ZDHHC21: variants seen among roughly 807,000 people sequenced by gnomAD.
The protein encoded by ZDHHC21 is zDHHC palmitoyltransferase 21.
Under a neutral mutation model 34.6 loss-of-function variants are expected in ZDHHC21, and 15 were observed. That is an observed-to-expected ratio of 0.43 (90% confidence interval 0.29 to 0.67). The LOEUF is 0.67. ZDHHC21 is among the 30% of genes least tolerant of loss of function. The pLI is 0.14. For synonymous variants in ZDHHC21, 142 were observed against 101.8 expected, an observed-to-expected ratio of 1.40 and a Z score of -2.38; for missense variants, 344 against 327.7, an observed-to-expected ratio of 1.05 and a Z score of -0.38.
chr9:14,652,621 G>T (rs920489220), intron 7 of ZDHHC21, among the ~76,000 whole-genome samples: 3 of 151,818 alleles, frequency 2.0e-5, no homozygotes, highest in Admixed American at 6.6e-5. Context: ...AAAACAGAAG[G>T]CGAGGAGAAG....
intron 8 of ZDHHC21, among the ~76,000 whole-genome samples, chr9:14,633,407 C>T (rs1223599702): frequency 6.6e-6 from 1 of 152,134 alleles, no homozygotes; most frequent in Non-Finnish European, 1.5e-5. Context: ...TAGAGGAAAG[C>T]CCCTAAACCC....
chr9:14,643,042 T>C (rs1035650549), intron 7 of ZDHHC21, among the ~76,000 whole-genome samples: 2 of 151,870 alleles, frequency 1.3e-5, no homozygotes, highest in Non-Finnish European at 2.9e-5. Flanking sequence ...AGTTCGAGAC[T>C]AGCCTGGCCA....
chr9:14,677,297 C>A (rs1836594057), intron 3 of ZDHHC21: 1 of 151,622 alleles, frequency 6.6e-6, no homozygotes, highest in Admixed American at 6.6e-5. Flanking sequence ...TTTTTTAATA[C>A]CTGATTGGTA....
At chr9:14,625,136 C>G (rs1370184565) in intron 8 of ZDHHC21, among the ~76,000 whole-genome samples, 2 of 151,980 alleles carry the variant, frequency 1.3e-5, no homozygotes, top group African/African-American at 4.8e-5. Context: ...ACATACTGTA[C>G]AAAATGGTCA....
At chr9:14,653,210 TAATC>T (rs1831574972) in intron 7 of ZDHHC21, among the ~76,000 whole-genome samples, 1 of 151,954 alleles carries the variant, frequency 6.6e-6, no homozygotes, top group South Asian at 2.1e-4. Flanking sequence ...TTTATACACA[TAATC>T]AACAGCTGGA....
rs1823621566 is a variant in ZDHHC21, at chr9:14,613,259, C to T, written c.*5707G>A. On this transcript the variant is annotated 3_prime_UTR_variant, in exon 10 of 10. Transcript: ENST00000380916. ...CATTAAATTCTACTTTATAAATACA[C>T]AACGATGTGAGAAGAAAACTCAGTC... The T allele has an allele frequency of 6.6e-6, 1 of 151,760 alleles. No homozygotes were observed. Among genetic ancestry groups the T allele is most frequent in the Non-Finnish European group, 1.5e-5 (1 of 67,820 alleles). The allele number at this position is 151,760 out of a possible 1,614,324, so 9.4% of individuals were successfully genotyped here.
chr9:14,684,019 T>A (rs1300884988), intron 2 of ZDHHC21, among the ~76,000 whole-genome samples: 1 of 152,180 alleles, frequency 6.6e-6, no homozygotes, highest in Admixed American at 6.5e-5. Context: ...TGCTATAAAC[T>A]CTTAATAAAT....
chr9:14,606,803 G>A (rs1823027596), downstream of ZDHHC21, among the ~76,000 whole-genome samples: 2 of 151,710 alleles, frequency 1.3e-5, no homozygotes, highest in African/African-American at 2.4e-5. Flanking sequence ...GACAAGCAAA[G>A]GTAACCTAGT....
chr9:14,648,713 A>T (rs1261031233), intron 7 of ZDHHC21, among the ~76,000 whole-genome samples: 2 of 152,244 alleles, frequency 1.3e-5, no homozygotes, highest in East Asian at 3.9e-4. Flanking sequence ...ACTTTGTTTT[A>T]GAGCCTAGAC....
At chr9:14,660,104 G>C (rs1044515622) in intron 6 of ZDHHC21, among the ~76,000 whole-genome samples, 3 of 152,012 alleles carry the variant, frequency 2.0e-5, no homozygotes, top group Non-Finnish European at 4.4e-5. Context: ...GGTGACTCAA[G>C]CCTGTAATCC....
chr9:14,664,323 C>T (rs905764984), intron 5 of ZDHHC21, among the ~76,000 whole-genome samples: 9 of 152,092 alleles, frequency 5.9e-5, no homozygotes, highest in Admixed American at 3.3e-4. Flanking sequence ...CGGCGCACCA[C>T]GAGACTATAT....
downstream of ZDHHC21, chr9:14,611,050 G>GT (rs1368052277): frequency 6.6e-6 from 1 of 151,820 alleles, no homozygotes; most frequent in African/African-American, 2.4e-5. Flanking sequence ...AGTAAGAAAG[G>GT]TAAGAGGATA....
At chr9:14,599,349 A>G in the ZDHHC21 span, among the ~76,000 whole-genome samples, 2 of 152,184 alleles carry the variant, frequency 1.3e-5, no homozygotes, top group Non-Finnish European at 2.9e-5. Flanking sequence ...AAGGGGTTGG[A>G]GAACTCCCTC....
Position 14,613,982 on chromosome 9 carries a change from C to T in ZDHHC21, c.*4984G>A, listed in dbSNP as rs1429791165. The T allele has an allele frequency of 1.3e-5, 2 of 151,632 alleles. No homozygotes were observed. The highest frequency in any genetic ancestry group is 1.3e-4 in the Admixed American group (2 of 15,164). 9.4% of individuals were successfully genotyped at this position (151,632 alleles called of 1,614,324 possible). On this transcript the variant is annotated 3_prime_UTR_variant, in exon 10 of 10. Transcript: ENST00000380916. ...GGCATCTGACCAACTGAAGAGAAACCGCAATATAAATTCTTTAAGTTAAAT... is the reference window on the plus strand; with the variant it reads ...GGCATCTGACCAACTGAAGAGAAACTGCAATATAAATTCTTTAAGTTAAAT...
At chr9:14,619,494 G>T in intron 9 of ZDHHC21, 145 bp downstream of exon 9, 1 of 638,724 alleles carries the variant, frequency 1.6e-6, no homozygotes, top group Non-Finnish European at 2.6e-6. Context: ...GTAAGACTGG[G>T]GTAGCTTGCC....
chr9:14,662,279 T>G lies in ZDHHC21; in HGVS notation c.301A>C (p.Lys101Gln), dbSNP rs146865410. 5.0e-6 allele frequency: 8 copies of G among 1,612,814 alleles called. No individual in the cohort carries two copies. The highest frequency in any genetic ancestry group is 6.8e-6 in the Non-Finnish European group (8 of 1,179,576). ...LCNKCNLMRP[K>Q]RSHHCSRCGH... ...CAGCGGCTACAGTGATGGGAACGCT[T>G]TGGTCTCATCAAATTACACTTGTTA... The change falls in exon 6 of 10, where the codon AAG becomes CAG. Residue 101 changes from lysine (K) to glutamine (Q), a missense_variant. Transcript: ENST00000380916.
chr9:14,663,654 C>T (rs1405178919), intron 5 of ZDHHC21, among the ~76,000 whole-genome samples: 4 of 151,906 alleles, frequency 2.6e-5, no homozygotes, highest in Admixed American at 2.6e-4. Flanking sequence ...TGGGAAAATA[C>T]TCCCACTACA....
intron 5 of ZDHHC21, among the ~76,000 whole-genome samples, chr9:14,671,344 A>G (rs1835404149): frequency 6.6e-6 from 1 of 152,048 alleles, no homozygotes; most frequent in Non-Finnish European, 1.5e-5. Context: ...TCACTATGTA[A>G]TGCTTTGAGA....
At chr9:14,684,180 TA>T (rs1220197038) in intron 2 of ZDHHC21, among the ~76,000 whole-genome samples, 24 of 150,940 alleles carry the variant, frequency 1.6e-4, no homozygotes, top group Admixed American at 1.1e-3. Context: ...CTATTCAACA[TA>T]GTGTTGGAAG....
Sources: allele counts gnomAD v4.1 joint callset (sites outside exome capture counted in the v4.1 genomes callset), GRCh38; gene constraint gnomAD v4.1.1; transcripts MANE v1.5; gene names NCBI Gene and HGNC (gene_info 2026-07-23, HGNC 2026-07-21).